Variants in SNX29 observed in about 807,000 individuals in gnomAD.
SNX29 encodes sorting nexin-29.
Under a neutral mutation model 102.1 loss-of-function variants are expected in SNX29, and 78 were observed. The ratio of observed to expected loss-of-function variants is 0.76; its 90% CI spans 0.64 to 0.92. The LOEUF is 0.92. Among genes scored for constraint, SNX29 ranks in the 40% least tolerant of loss-of-function variants. The probability of loss-of-function intolerance (pLI) is 0.00; values close to 1 mark genes in which losing one functional copy is unlikely to be tolerated. For synonymous variants in SNX29, 580 were observed against 414.5 expected (o/e 1.40, Z -4.85); for missense variants, 1,280 against 1,061.7 (o/e 1.21, Z -2.86).
chr16:12,066,593 G>C (rs2051048978), intron 9 of SNX29, among the ~76,000 whole-genome samples: 1 of 152,182 alleles, frequency 6.6e-6, no homozygotes, highest in Non-Finnish European at 1.5e-5. Context: ...CTGTAGCCAA[G>C]ACCTTGCCAG....
At chr16:12,397,188 C>T (rs1372924006) in intron 16 of SNX29, among the ~76,000 whole-genome samples, 1 of 152,248 alleles carries the variant, frequency 6.6e-6, no homozygotes, top group African/African-American at 2.4e-5. Context: ...CCGCTTCACC[C>T]AGTCTCCACT....
chr16:12,433,568 T>C (rs2085401653), intron 18 of SNX29, among the ~76,000 whole-genome samples: 1 of 147,528 alleles, frequency 6.8e-6, no homozygotes, highest in Non-Finnish European at 1.5e-5. Flanking sequence ...GAGGTGGAGG[T>C]TGCAGTGAGC....
chr16:12,131,004 T>C (rs555619792), intron 13 of SNX29, among the ~76,000 whole-genome samples: 1 of 152,354 alleles, frequency 6.6e-6, no homozygotes, highest in African/African-American at 2.4e-5. Context: ...AGTATATATT[T>C]TGGAAATATT....
chr16:12,351,757 A>C (rs1290843504), intron 15 of SNX29, among the ~76,000 whole-genome samples: 1 of 151,848 alleles, frequency 6.6e-6, no homozygotes, highest in East Asian at 1.9e-4. Context: ...CATTTTCCAA[A>C]GCCCAACTCA....
At chr16:12,557,972 T>G (rs561480089) in intron 20 of SNX29, among the ~76,000 whole-genome samples, 2 of 150,278 alleles carry the variant, frequency 1.3e-5, no homozygotes, top group East Asian at 1.9e-4. Flanking sequence ...GTGGGTCTTC[T>G]GCTTAAGATT....
chr16:12,385,395 CT>C (rs2083307564), intron 16 of SNX29, among the ~76,000 whole-genome samples: 1 of 152,186 alleles, frequency 6.6e-6, no homozygotes. Context: ...GATTGTCATC[CT>C]CAAAGAGTTG....
At position 12,229,547 on chromosome 16, in the gene SNX29, C is replaced by T. The variant is rs569151418; in HGVS notation, c.1678+29864C>T. ...ACCACATCAGATGGCCCCAAATAAA[C>T]CTTCTTCCTACCATTTTTCATCTTT... On this transcript the variant is annotated intron_variant, in intron 14 of 20. Coordinates refer to ENST00000566228, the MANE Select transcript of SNX29 (RefSeq NM_032167.5). Among the ~76,000 whole-genome samples, 24 of 152,170 alleles carry T rather than the reference C, an allele frequency of 1.6e-4. No individual in the cohort carries two copies. The South Asian group carries it at 5.0e-3, about 32-fold the overall frequency.
intron 19 of SNX29, among the ~76,000 whole-genome samples, chr16:12,523,296 C>G (rs2090168557): frequency 6.6e-6 from 1 of 152,240 alleles, no homozygotes; most frequent in South Asian, 2.1e-4. Context: ...CTGCAGACAG[C>G]AGTTTCCTCA....
intron 20 of SNX29, among the ~76,000 whole-genome samples, chr16:12,549,947 A>G (rs920038452): frequency 6.6e-6 from 1 of 152,072 alleles, no homozygotes; most frequent in Non-Finnish European, 1.5e-5. Flanking sequence ...TTTTATAAGT[A>G]AAGTTTTATT....
intron 13 of SNX29, among the ~76,000 whole-genome samples, chr16:12,163,880 G>A (rs995880690): frequency 6.6e-6 from 1 of 152,140 alleles, no homozygotes; most frequent in Non-Finnish European, 1.5e-5. Flanking sequence ...GGTGAGGAGA[G>A]GGTGTGTCCA....
At position 12,346,602 on chromosome 16, in the gene SNX29, C is replaced by A. The variant is rs574891590; in HGVS notation, c.1783-9561C>A. Among the ~76,000 whole-genome samples the A allele has an allele frequency of 8.3e-4, 126 of 152,266 alleles. 1 individual carries two copies. The highest frequency in any genetic ancestry group is 2.8e-3 in the African/African-American group (117 of 41,540). ...CAGGACAGGTGTGAATTGGGGAACCCGCTTAAAGACCCTCACAGCTGCATG... is the reference window on the plus strand; with the variant it reads ...CAGGACAGGTGTGAATTGGGGAACCAGCTTAAAGACCCTCACAGCTGCATG... On this transcript the variant is annotated intron_variant, in intron 15 of 20. Coordinates refer to ENST00000566228, the MANE Select transcript of SNX29 (RefSeq NM_032167.5).
intron 19 of SNX29, among the ~76,000 whole-genome samples, chr16:12,517,051 G>A (rs984717746): frequency 1.3e-5 from 2 of 152,152 alleles, no homozygotes; most frequent in Admixed American, 6.5e-5. Flanking sequence ...TTTTGAAAGC[G>A]AGGCCCAACT....
At chr16:12,169,454 G>T (rs1386937476) in intron 13 of SNX29, among the ~76,000 whole-genome samples, 2 of 152,168 alleles carry the variant, frequency 1.3e-5, no homozygotes, top group Non-Finnish European at 2.9e-5. Flanking sequence ...TTGGCTGGAG[G>T]GCCTGGGCTG....
Position 12,043,026 on chromosome 16 carries a change from A to G in SNX29, c.377A>G (p.His126Arg). ...TGGCTGCGCTGTGCCCTCAACGAAC[A>G]CTCCCTGGAGCGCTACCTGCACATG... ...RAWLRCALNE[H>R]SLERYLHMLL... Residue 126 changes from histidine to arginine, a missense_variant, in exon 5 of 21, where the codon CAC becomes CGC. By Grantham distance (29) the His-to-Arg change is conservative (BLOSUM62 0). Transcript: ENST00000566228. The G allele has an allele frequency of 6.2e-7, 1 of 1,613,382 alleles. No homozygotes were observed. Among genetic ancestry groups the G allele is most frequent in the Non-Finnish European group, 8.5e-7 (1 of 1,179,826 alleles).
At chr16:12,451,065 G>T (rs1165044218) in intron 18 of SNX29, among the ~76,000 whole-genome samples, 6 of 152,116 alleles carry the variant, frequency 3.9e-5, no homozygotes, top group Non-Finnish European at 5.9e-5. Flanking sequence ...GAGAAAGTAC[G>T]TCTCCTGCCC....
chr16:12,501,716 C>G (rs2089132372), intron 19 of SNX29, among the ~76,000 whole-genome samples: 1 of 94,990 alleles, frequency 1.1e-5, no homozygotes, highest in Non-Finnish European at 1.8e-5. Context: ...CAGAGCAAGA[C>G]ACTGTCTCAA....
chr16:12,381,882 C>T (rs1461672114), intron 16 of SNX29, among the ~76,000 whole-genome samples: 1 of 149,614 alleles, frequency 6.7e-6, no homozygotes, highest in Non-Finnish European at 1.5e-5. Flanking sequence ...CATGCATCCT[C>T]CCATTCACCC....
intron 19 of SNX29, among the ~76,000 whole-genome samples, chr16:12,479,858 A>C (rs1192354102): frequency 6.6e-6 from 1 of 152,190 alleles, no homozygotes; most frequent in Non-Finnish European, 1.5e-5. Flanking sequence ...CCATTGTAGC[A>C]CAAGGTGGAA....
chr16:12,099,384 G>A (rs1374281849), intron 11 of SNX29, among the ~76,000 whole-genome samples: 1 of 152,180 alleles, frequency 6.6e-6, no homozygotes, highest in Non-Finnish European at 1.5e-5. Flanking sequence ...ATTTTTGAAT[G>A]GGGTTGTGTA....
Sources: allele counts gnomAD v4.1 joint callset (sites outside exome capture counted in the v4.1 genomes callset), GRCh38; gene constraint gnomAD v4.1.1; transcripts MANE v1.5; gene names NCBI Gene and HGNC (gene_info 2026-07-23, HGNC 2026-07-21).